PTK7: variants seen among roughly 807,000 people sequenced by gnomAD.
The protein encoded by PTK7 is inactive tyrosine-protein kinase 7.
PTK7 carries 39 observed loss-of-function variants against 116.6 expected under a neutral mutation model. The ratio of observed to expected loss-of-function variants is 0.33; its 90% CI spans 0.26 to 0.44. PTK7 has a LOEUF of 0.44. PTK7 is among the 20% of genes least tolerant of loss of function. The pLI is 1.00. For synonymous variants in PTK7, 546 were observed against 563.6 expected, an observed-to-expected ratio of 0.97 and a Z score of 0.44; for missense variants, 1,169 against 1,425.6, an observed-to-expected ratio of 0.82 and a Z score of 2.90.
chr6:43,135,799 C>T (rs773342140), intron 7 of PTK7, among the ~76,000 whole-genome samples: 1 of 152,228 alleles, frequency 6.6e-6, no homozygotes, highest in Non-Finnish European at 1.5e-5. Flanking sequence ...CACTTCAAAA[C>T]GTGGTGGCAC....
intron 17 of PTK7, among the ~76,000 whole-genome samples, chr6:43,147,995 A>C (rs1770823007): frequency 6.6e-6 from 1 of 152,212 alleles, no homozygotes; most frequent in Non-Finnish European, 1.5e-5. Flanking sequence ...ACAGACAGGC[A>C]TCAGCTAGGT....
chr6:43,132,382 A>T, intron 6 of PTK7, 39 bp from the exon 7 acceptor site: 1 of 1,539,390 alleles, frequency 6.5e-7, no homozygotes, highest in African/African-American at 1.4e-5. Context: ...CCTGAGACCC[A>T]CAATAATTGG....
At chr6:43,122,709 C>T (rs1458406426) in intron 1 of PTK7, among the ~76,000 whole-genome samples, 1 of 150,800 alleles carries the variant, frequency 6.6e-6, no homozygotes. Context: ...CTGGTTCAAG[C>T]GATTCTCCTG....
In PTK7 at chr6:43,130,326, A is replaced by C; in HGVS notation, c.567A>C (p.Pro189=). 6.2e-7 allele frequency: 1 copy of C among 1,612,814 alleles called. No individual in the cohort carries two copies. Among genetic ancestry groups the C allele is most frequent in the Non-Finnish European group, 8.5e-7 (1 of 1,179,274 alleles). ...AGGAGCGGAACCTGACGCTCCGGCC[A>C]GCTGGTCCTGAGCATAGTGGGCTGT... ...SSKERNLTLR[P]AGPEHSGLYS... The change falls in exon 4 of 20, where the codon CCA becomes CCC. Residue 189 remains proline, a synonymous_variant. Transcript: ENST00000230419.
At chr6:43,127,427 C>CTA (rs1769360149) in intron 1 of PTK7, among the ~76,000 whole-genome samples, 1 of 152,270 alleles carries the variant, frequency 6.6e-6, no homozygotes, top group Non-Finnish European at 1.5e-5. Flanking sequence ...CCTCCCTAAA[C>CTA]CCATCTGCCA....
At position 43,128,917 on chromosome 6, in the gene PTK7, G is replaced by A; in HGVS notation, c.80-60G>A. On this transcript the variant is annotated intron_variant, in intron 1 of 19. Transcript: ENST00000230419. The stretch of plus-strand genomic sequence containing the variant: ...TTTCCTCCTGTGCACAAGGTGGCCT[G>A]TGTTAGGACAGAGGCTGCAGCTCCC... 3 of 1,532,624 alleles carry A rather than the reference G, an allele frequency of 2.0e-6. No individual in the cohort carries two copies. The Admixed American group carries it at 5.5e-5, about 28-fold the overall frequency. 94.9% of individuals were successfully genotyped at this position (1,532,624 alleles called of 1,614,324 possible).
chr6:43,150,082 T>C (rs1331563771), intron 17 of PTK7, among the ~76,000 whole-genome samples: 1 of 152,186 alleles, frequency 6.6e-6, no homozygotes, highest in Non-Finnish European at 1.5e-5. Context: ...TAAGATGATA[T>C]CAGAGAGCTG....
intron 13 of PTK7, chr6:43,142,525 G>T: frequency 1.4e-6 from 1 of 694,644 alleles, no homozygotes; most frequent in Non-Finnish European, 2.5e-6. Context: ...GTGTGTTGTG[G>T]GGGAGTGGGG....
Position 43,141,852 on chromosome 6 carries a change from C to A in PTK7, c.1768+35C>A. ...TGGCAGGGCCCTGGGGCTGGGAGGG[C>A]CCTCTGGGGTAGCACCGTGTACCCT... On this transcript the variant is annotated intron_variant, in intron 11 of 19. Transcript: ENST00000230419. The surrounding 1 kb of genome is among the most constrained non-coding windows in gnomAD (Gnocchi z 4.9). 1 of 1,607,750 alleles carries A rather than the reference C, an allele frequency of 6.2e-7. No individual in the cohort carries two copies. The highest frequency in any genetic ancestry group is 8.5e-7 in the Non-Finnish European group (1 of 1,176,874).
chr6:43,138,625 C>G (rs1055683348), intron 7 of PTK7: 1 of 474,908 alleles, frequency 2.1e-6, no homozygotes, highest in Non-Finnish European at 3.6e-6. Flanking sequence ...TTGTGTCACT[C>G]TACTCCAGCC....
rs201701945 is a variant in PTK7, at chr6:43,143,505, T to C, written c.2136T>C (p.Ala712=). ...IQTIGLSVGA[A]VAYIIAVLGL... ...CCATTGGGTTGTCGGTGGGTGCCGC[T>C]GTGGCCTACATCATTGCCGTGCTGG... Residue 712 remains alanine (A), a synonymous_variant, in exon 14 of 20, where the codon GCT becomes GCC. Coordinates refer to ENST00000230419, the MANE Select transcript of PTK7 (RefSeq NM_002821.5). The surrounding 1 kb of genome is among the most constrained non-coding windows in gnomAD (Gnocchi z 4.2). 5.0e-6 allele frequency: 8 copies of C among 1,613,686 alleles called. No individual in the cohort carries two copies. The highest frequency in any genetic ancestry group is 2.2e-5 in the East Asian group (1 of 44,872).
intron 1 of PTK7, among the ~76,000 whole-genome samples, chr6:43,094,306 C>A (rs967529072): frequency 6.6e-6 from 1 of 152,128 alleles, no homozygotes; most frequent in African/African-American, 2.4e-5. Context: ...CCTGCCTCAC[C>A]AGTTTTCCCC....
At position 43,092,817 on chromosome 6, in the gene PTK7, TAA is replaced by T. The variant is rs1561936984; in HGVS notation, c.79+16251_79+16252del. 6.6e-5 allele frequency among the ~76,000 whole-genome samples: 10 copies of T among 152,224 alleles called. No individual in the cohort carries two copies. The East Asian group carries it at 1.7e-3, about 26-fold the overall frequency. On this transcript the variant is annotated intron_variant, in intron 1 of 19. Transcript: ENST00000230419. Reference sequence around the variant, plus strand: ...AACTGATGGTTATCTGTGGTAGTTATAATTGTGATGGTTATCTGTGGTGGTTA... The same window carrying T: ...AACTGATGGTTATCTGTGGTAGTTATTTGTGATGGTTATCTGTGGTGGTTA...
At chr6:43,096,498 G>C (rs1767263545) in intron 1 of PTK7, among the ~76,000 whole-genome samples, 1 of 152,152 alleles carries the variant, frequency 6.6e-6, no homozygotes, top group Non-Finnish European at 1.5e-5. Context: ...GAGGTGCCTG[G>C]AACTAAGCCC....
chr6:43,102,970 T>C (rs571385169), intron 1 of PTK7, among the ~76,000 whole-genome samples: 1 of 152,232 alleles, frequency 6.6e-6, no homozygotes, highest in African/African-American at 2.4e-5. Flanking sequence ...CTAAATAAAG[T>C]TCATGTTTTT....
intron 1 of PTK7, among the ~76,000 whole-genome samples, chr6:43,079,796 C>T (rs1052215132): frequency 2.6e-5 from 4 of 151,700 alleles, no homozygotes; most frequent in Admixed American, 1.3e-4. Flanking sequence ...GCCAGGTTTA[C>T]GCCTGTTATC....
At chr6:43,149,208 C>T (rs1770925707) in intron 17 of PTK7, among the ~76,000 whole-genome samples, 2 of 151,610 alleles carry the variant, frequency 1.3e-5, no homozygotes, top group Non-Finnish European at 2.9e-5. Context: ...CCCATCTCTA[C>T]TAAAAATACA....
chr6:43,152,769 G>A (rs1771201591), intron 17 of PTK7, among the ~76,000 whole-genome samples: 1 of 151,718 alleles, frequency 6.6e-6, no homozygotes, highest in Admixed American at 6.6e-5. Context: ...GTTATGTTAT[G>A]TTATGTTATG....
chr6:43,149,395 G>A (rs1465950496), intron 17 of PTK7, among the ~76,000 whole-genome samples: 1 of 152,088 alleles, frequency 6.6e-6, no homozygotes, highest in Non-Finnish European at 1.5e-5. Flanking sequence ...AAAGATTTCT[G>A]GACCATGACT....
Sources: allele counts gnomAD v4.1 joint callset (sites outside exome capture counted in the v4.1 genomes callset), GRCh38; gene constraint gnomAD v4.1.1; non-coding constraint Gnocchi (gnomAD v3.1); transcripts MANE v1.5; gene names NCBI Gene and HGNC (gene_info 2026-07-23, HGNC 2026-07-21).